Variants in MALRD1 observed in about 807,000 individuals in gnomAD.
MALRD1 encodes the protein MAM and LDL-receptor class A domain-containing protein 1.
MALRD1 carries 247 observed loss-of-function variants against 242.1 expected under a neutral mutation model. That is an observed-to-expected ratio of 1.02 (90% CI 0.92 to 1.13). The LOEUF (loss-of-function observed/expected upper bound fraction) is 1.13, where lower values mean the gene tolerates loss of function less well. MALRD1 is among the 50% of genes most tolerant of loss of function. The pLI is 0.00. For synonymous variants in MALRD1, 995 were observed against 866.6 expected (o/e 1.15, Z -2.60); for missense variants, 2,989 against 2,533.1 (o/e 1.18, Z -3.86).
chr10:19,546,276 A>G (rs569545113), intron 32 of MALRD1, among the ~76,000 whole-genome samples: 1 of 152,188 alleles, frequency 6.6e-6, no homozygotes, highest in Admixed American at 6.5e-5. Context: ...CTGGTTTCAT[A>G]TTTCTTTGAT....
chr10:19,248,797 A>G (rs1839173626), intron 18 of MALRD1, among the ~76,000 whole-genome samples: 2 of 151,466 alleles, frequency 1.3e-5, no homozygotes, highest in African/African-American at 4.8e-5. Context: ...AATGTTCTCT[A>G]TGGACCCATT....
At chr10:19,423,215 G>A (rs1199951410) in intron 28 of MALRD1, among the ~76,000 whole-genome samples, 1 of 151,924 alleles carries the variant, frequency 6.6e-6, no homozygotes, top group Admixed American at 6.6e-5. Flanking sequence ...AACAGATCTA[G>A]GATATTGTAC....
At position 19,623,780 on chromosome 10, in the gene MALRD1, A is replaced by G. The variant is rs118176171; in HGVS notation, c.6137+7857A>G. The stretch of plus-strand genomic sequence containing the variant: ...AGGTTGCATGAAGCCTCCCCTCATT[A>G]GTGAAGGTGAATCTTTTTTACCCAG... On this transcript the variant is annotated intron_variant, in intron 36 of 39. Transcript: ENST00000454679. 3.5e-3 allele frequency among the ~76,000 whole-genome samples: 529 copies of G among 152,212 alleles called. 2 individuals are homozygous for G. The highest frequency in any genetic ancestry group is 0.01 in the Middle Eastern group (3 of 294).
chr10:19,103,514 T>G (rs1233595785), intron 4 of MALRD1, among the ~76,000 whole-genome samples: 1 of 142,828 alleles, frequency 7.0e-6, no homozygotes, highest in African/African-American at 2.6e-5. Context: ...ATCGTGCCAC[T>G]GCACTCCGGC....
At chr10:19,241,461 T>G (rs985575396) in intron 18 of MALRD1, among the ~76,000 whole-genome samples, 1 of 152,084 alleles carries the variant, frequency 6.6e-6, no homozygotes, top group African/African-American at 2.4e-5. Context: ...TTTCTCTCTT[T>G]TTGTCTTAGT....
intron 36 of MALRD1, among the ~76,000 whole-genome samples, chr10:19,688,626 A>G (rs980929024): frequency 6.6e-6 from 1 of 152,184 alleles, no homozygotes; most frequent in African/African-American, 2.4e-5. Flanking sequence ...AGCTCTAGTT[A>G]GTGCAGACAG....
chr10:19,088,285 C>T (rs560618044), intron 4 of MALRD1, 100 bp downstream of exon 4: 49 of 1,089,666 alleles, frequency 4.5e-5, no homozygotes, highest in East Asian at 2.3e-4. Context: ...CCCAGTTTGC[C>T]AGGGACTGAG....
intron 21 of MALRD1, among the ~76,000 whole-genome samples, chr10:19,301,077 T>G (rs1394297664): frequency 6.6e-6 from 1 of 151,890 alleles, no homozygotes; most frequent in Non-Finnish European, 1.5e-5. Flanking sequence ...CTTGTCAAAG[T>G]TACACATATA....
chr10:19,280,008 A>G (rs76832485), intron 19 of MALRD1, 39 bp from the exon 20 acceptor site: 24,300 of 1,413,872 alleles, frequency 0.017, 284 homozygotes, highest in Admixed American at 0.022. Flanking sequence ...AAAACCAGAA[A>G]ACCTGCTAAA....
chr10:19,114,138 T>C lies in MALRD1; in HGVS notation c.695-9354T>C, dbSNP rs373378628. On this transcript the variant is annotated intron_variant, in intron 5 of 39. Transcript: ENST00000454679. ...ACAGTACTTACATTTGTGCTAAGAA[T>C]ATTATATTATTTCTAGGTTTTTGTT... Among the ~76,000 whole-genome samples the C allele has an allele frequency of 9.8e-5, 15 of 152,352 alleles. No homozygotes were observed. In the East Asian group the frequency reaches 2.7e-3, roughly 27 times the overall value.
At chr10:19,413,676 A>G (rs181537896) in intron 28 of MALRD1, among the ~76,000 whole-genome samples, 54 of 152,106 alleles carry the variant, frequency 3.6e-4, no homozygotes, top group African/African-American at 1.2e-3. Context: ...CCACATAGCC[A>G]GTGAGGTTTT....
At chr10:19,692,042 C>A (rs1439135295) in intron 36 of MALRD1, among the ~76,000 whole-genome samples, 1 of 152,062 alleles carries the variant, frequency 6.6e-6, no homozygotes, top group African/African-American at 2.4e-5. Context: ...AACCATGTTT[C>A]TACCTTATAA....
At chr10:19,627,778 A>C (rs1358030866) in intron 36 of MALRD1, among the ~76,000 whole-genome samples, 1 of 147,448 alleles carries the variant, frequency 6.8e-6, no homozygotes, top group Non-Finnish European at 1.5e-5. Context: ...AAAAAAAAAA[A>C]GGAAAAAAGG....
rs147250223 is a variant in MALRD1 at position 19,518,664 on chromosome 10, A to T, written c.5321-12530A>T. ...TGCATTTTCAGGTAATGGTGTGAACATTTTTTTTTTTCATAAATACTAAAA... is the reference window on the plus strand; with the variant it reads ...TGCATTTTCAGGTAATGGTGTGAACTTTTTTTTTTTTCATAAATACTAAAA... On this transcript the variant is annotated intron_variant, in intron 31 of 39. Coordinates refer to ENST00000454679, the MANE Select transcript of MALRD1 (RefSeq NM_001142308.3). Among the ~76,000 whole-genome samples the T allele has an allele frequency of 6.3e-3, 932 of 148,642 alleles. 6 individuals carry two copies. The highest frequency in any genetic ancestry group is 0.021 in the African/African-American group (843 of 40,712).
At chr10:19,211,636 G>A (rs955497269) in intron 18 of MALRD1, among the ~76,000 whole-genome samples, 22 of 129,572 alleles carry the variant, frequency 1.7e-4, no homozygotes, top group Admixed American at 1.1e-3. Flanking sequence ...GCAGTGAGCC[G>A]AGATGCGCTA....
At chr10:19,425,230 T>C (rs937097490) in intron 28 of MALRD1, among the ~76,000 whole-genome samples, 2 of 152,218 alleles carry the variant, frequency 1.3e-5, no homozygotes, top group African/African-American at 4.8e-5. Context: ...AATTCGTCTT[T>C]TCCTTATTAG....
chr10:19,692,580 T>C (rs775364083), intron 38 of MALRD1, 26 bp downstream of exon 38: 1 of 1,503,592 alleles, frequency 6.7e-7, no homozygotes, highest in South Asian at 1.2e-5. Context: ...AGTTGCTAAA[T>C]GAAATATACC....
At position 19,352,189 on chromosome 10, in the gene MALRD1, G is replaced by T; in HGVS notation, c.4333G>T (p.Gly1445Trp). The change falls in exon 26 of 40, where the codon GGG becomes TGG. Residue 1445 changes from glycine to tryptophan, a missense_variant. By Grantham distance (184) the Gly-to-Trp change is radical (BLOSUM62 -2). Coordinates refer to ENST00000454679, the MANE Select transcript of MALRD1 (RefSeq NM_001142308.3). ...CCAACTCAAATTTGAAGGTAGAGTT[G>T]GGAAAGGTCAGCGTGGAGACATTGC... is the stretch of plus-strand genomic sequence containing the variant. ...DFQLKFEGRVGKGQRGDIALD... is the reference protein window; with the variant it reads ...DFQLKFEGRVWKGQRGDIALD... 6.4e-7 allele frequency: 1 copy of T among 1,550,478 alleles called. No individual in the cohort carries two copies. The highest frequency in any genetic ancestry group is 8.7e-7 in the Non-Finnish European group (1 of 1,146,922).
At chr10:19,138,078 G>T (rs758589458) in intron 10 of MALRD1, among the ~76,000 whole-genome samples, 14 of 152,162 alleles carry the variant, frequency 9.2e-5, no homozygotes, top group Non-Finnish European at 2.9e-5. Flanking sequence ...GAGCAACGCG[G>T]AGGGACACAG....
Sources: gnomAD v4.1 joint callset for allele counts (sites outside exome capture counted in the v4.1 genomes callset) on GRCh38, gnomAD v4.1.1 for gene constraint, MANE v1.5 for transcripts, NCBI Gene and HGNC (gene_info 2026-07-23, HGNC 2026-07-21) for gene names.